Variants in SAMD12 observed in about 807,000 individuals in gnomAD.
SAMD12 encodes the protein sterile alpha motif domain-containing protein 12.
In SAMD12, 9 loss-of-function variants were observed where a neutral mutation model predicts 15.0. The ratio of observed to expected loss-of-function variants is 0.60; its 90% confidence interval spans 0.36 to 1.05. The LOEUF (loss-of-function observed/expected upper bound fraction) is 1.05, where lower values mean the gene tolerates loss of function less well. SAMD12 is among the 50% of genes least tolerant of loss of function. The pLI is 0.01. For missense variants in SAMD12, 230 were observed against 234.2 expected, an observed-to-expected ratio of 0.98 and a Z score of 0.12; for synonymous variants, 86 against 90.1, an observed-to-expected ratio of 0.96 and a Z score of 0.25.
downstream of SAMD12, among the ~76,000 whole-genome samples, chr8:118,186,073 T>C (rs922370422): frequency 1.7e-4 from 26 of 152,216 alleles, no homozygotes; most frequent in African/African-American, 6.0e-4. Flanking sequence ...TTGAAAGTGC[T>C]ACATTGAACA....
At chr8:118,251,738 C>G (rs1812825363) in intron 4 of SAMD12, among the ~76,000 whole-genome samples, 1 of 152,016 alleles carries the variant, frequency 6.6e-6, no homozygotes, top group African/African-American at 2.4e-5. Context: ...ATATTCCGTA[C>G]CTAATACCTA....
At chr8:118,304,437 C>G (rs1258837610) in intron 4 of SAMD12, among the ~76,000 whole-genome samples, 1 of 152,158 alleles carries the variant, frequency 6.6e-6, no homozygotes, top group Admixed American at 6.5e-5. Flanking sequence ...ATTTTTCAAT[C>G]AGTAAATACA....
intron 2 of SAMD12, among the ~76,000 whole-genome samples, chr8:118,497,728 G>C (rs1169165356): frequency 4.3e-5 from 5 of 116,840 alleles, no homozygotes; most frequent in South Asian, 5.2e-4. Flanking sequence ...AGTTGCGGGG[G>C]GGGGTGGGGG....
intron 4 of SAMD12, among the ~76,000 whole-genome samples, chr8:118,268,858 A>G (rs1049106487): frequency 6.6e-6 from 1 of 152,162 alleles, no homozygotes; most frequent in Non-Finnish European, 1.5e-5. Context: ...TATCAATTTT[A>G]TCTTCCTGGG....
chr8:118,489,669 A>C (rs1342380146), intron 2 of SAMD12, among the ~76,000 whole-genome samples: 1 of 152,208 alleles, frequency 6.6e-6, no homozygotes, highest in African/African-American at 2.4e-5. Flanking sequence ...AATACTGTTC[A>C]TGTGATGGAT....
intron 2 of SAMD12, among the ~76,000 whole-genome samples, chr8:118,541,883 C>T (rs1825998738): frequency 6.6e-6 from 1 of 152,100 alleles, no homozygotes. Flanking sequence ...GATGGAGTCT[C>T]GCTATGCTAC....
At chr8:118,163,843 C>G in the SAMD12 span, among the ~76,000 whole-genome samples, 1 of 151,596 alleles carries the variant, frequency 6.6e-6, no homozygotes, top group African/African-American at 2.4e-5. Context: ...CCACTGCCCT[C>G]CAGCCTGGGA....
At chr8:118,399,530 T>C (rs1820765874) in intron 3 of SAMD12, among the ~76,000 whole-genome samples, 1 of 152,074 alleles carries the variant, frequency 6.6e-6, no homozygotes, top group South Asian at 2.1e-4. Context: ...GCAGGAGGTA[T>C]GAAGGTACCT....
chr8:118,392,817 C>T (rs901096532), intron 3 of SAMD12, among the ~76,000 whole-genome samples: 1 of 151,824 alleles, frequency 6.6e-6, no homozygotes, highest in Non-Finnish European at 1.5e-5. Context: ...TTGGCCTCTA[C>T]CTACTAGATG....
intron 2 of SAMD12, among the ~76,000 whole-genome samples, chr8:118,499,738 C>G (rs1824725668): frequency 6.6e-6 from 1 of 152,114 alleles, no homozygotes; most frequent in African/African-American, 2.4e-5. Context: ...AAATCTTGGC[C>G]ATAGACTCCA....
intron 1 of SAMD12, among the ~76,000 whole-genome samples, chr8:118,595,481 A>G (rs1827701826): frequency 6.6e-6 from 1 of 152,224 alleles, no homozygotes; most frequent in South Asian, 2.1e-4. Context: ...CATTGTAAAC[A>G]CCAACTGTTA....
At chr8:118,362,649 A>T (rs999519235) in intron 4 of SAMD12, among the ~76,000 whole-genome samples, 6 of 152,224 alleles carry the variant, frequency 3.9e-5, no homozygotes, top group African/African-American at 1.4e-4. Flanking sequence ...GAACTTGGAA[A>T]GAGGGAGCCT....
intron 4 of SAMD12, among the ~76,000 whole-genome samples, chr8:118,240,253 A>C (rs1812534542): frequency 1.3e-5 from 2 of 152,136 alleles, no homozygotes; most frequent in Non-Finnish European, 2.9e-5. Context: ...TGACACATTG[A>C]CTGCAACGTC....
intron 4 of SAMD12, among the ~76,000 whole-genome samples, chr8:118,274,912 T>A (rs111907543): frequency 6.6e-6 from 1 of 152,206 alleles, no homozygotes; most frequent in Non-Finnish European, 1.5e-5. Flanking sequence ...AAAGTTGCTA[T>A]GAATATTCTT....
At chr8:118,554,518 C>G (rs1057228613) in intron 2 of SAMD12, among the ~76,000 whole-genome samples, 11 of 134,420 alleles carry the variant, frequency 8.2e-5, no homozygotes, top group African/African-American at 3.2e-4. Context: ...GAACATCACA[C>G]TCTGGGGACT....
chr8:118,572,778 G>A (rs371963649), intron 2 of SAMD12, among the ~76,000 whole-genome samples: 7 of 151,886 alleles, frequency 4.6e-5, no homozygotes, highest in South Asian at 4.2e-4. Flanking sequence ...TGTCTTTATC[G>A]CAGCATGAAA....
the SAMD12 span, among the ~76,000 whole-genome samples, chr8:118,176,045 C>T: frequency 8.6e-3 from 1,311 of 152,286 alleles, 22 homozygotes; most frequent in African/African-American, 0.029. Flanking sequence ...CTCACGCCTG[C>T]AATCCCAGCG....
At chr8:118,620,730 T>G (rs2131333979) in intron 1 of SAMD12, among the ~76,000 whole-genome samples, 1 of 152,312 alleles carries the variant, frequency 6.6e-6, no homozygotes, top group South Asian at 2.1e-4. Flanking sequence ...GCCAGCCTCG[T>G]GGCCTTCTCG....
rs559366690 is a variant in SAMD12 at position 118,247,196 on chromosome 8, T to A, written c.434-49464A>T. Among the ~76,000 whole-genome samples the A allele has an allele frequency of 2.1e-3, 319 of 152,024 alleles. 1 individual carries two copies. Among genetic ancestry groups the A allele is most frequent in the African/African-American group, 7.6e-3 (314 of 41,440 alleles). ...TGCATGATCTCACTTATATGTGAAA[T>A]CTAAAAAAGTTGAACTCATAGAAGC... On this transcript the variant is annotated intron_variant, in intron 4 of 4. Coordinates refer to the SAMD12 transcript ENST00000409003.
Sources: gnomAD v4.1 joint callset for allele counts (sites outside exome capture counted in the v4.1 genomes callset) on GRCh38, gnomAD v4.1.1 for gene constraint, MANE v1.5 for transcripts, NCBI Gene and HGNC (gene_info 2026-07-23, HGNC 2026-07-21) for gene names.